Variants in RIPK1 observed in about 807,000 individuals in gnomAD.
RIPK1 encodes the protein receptor interacting serine/threonine kinase 1, also known as receptor-interacting serine/threonine-protein kinase 1.
Under a neutral mutation model 62.4 loss-of-function variants are expected in RIPK1, and 27 were observed. The ratio of observed to expected loss-of-function variants is 0.43; its 90% confidence interval spans 0.32 to 0.60. RIPK1 has a LOEUF of 0.60. RIPK1 is among the 20% of genes least tolerant of loss of function. RIPK1 has a pLI of 0.07. For missense variants in RIPK1, 735 were observed against 831.0 expected (o/e 0.88, Z 1.42); for synonymous variants, 287 against 303.2 (o/e 0.95, Z 0.55).
chr6:3,089,586 GA>G lies in RIPK1; in HGVS notation c.846del (p.Glu283LysfsTer8). 1 of 1,473,670 alleles carries G rather than the reference GA, an allele frequency of 6.8e-7. No homozygotes were observed. The highest frequency in any genetic ancestry group is 9.4e-7 in the Non-Finnish European group (1 of 1,059,262). The allele number at this position is 1,473,670 out of a possible 1,614,324, so 91.3% of individuals were successfully genotyped here. Reference sequence around the variant, plus strand: ...AGTACATTTTACTTTTACAGGCATTGAAGAAAAATTTAGGCCTTTTTATTTA... The same window carrying G: ...AGTACATTTTACTTTTACAGGCATTGAGAAAAATTTAGGCCTTTTTATTTA... ...PEARPTFPGI[E>X]EKFRPFYLSQ... On this transcript the variant is annotated frameshift_variant, in exon 7 of 11. Coordinates refer to ENST00000259808, the MANE Select transcript of RIPK1 (RefSeq NM_001354930.2). LOFTEE classifies it high-confidence loss of function.
At chr6:3,100,709 G>A (rs1017811838) in intron 7 of RIPK1, among the ~76,000 whole-genome samples, 24 of 151,790 alleles carry the variant, frequency 1.6e-4, no homozygotes, top group Non-Finnish European at 2.6e-4. Context: ...TCGTGCCTCA[G>A]CCTCCCGAGT....
intron 7 of RIPK1, among the ~76,000 whole-genome samples, chr6:3,100,549 G>C (rs369038390): frequency 2.0e-5 from 3 of 152,258 alleles, no homozygotes; most frequent in African/African-American, 7.2e-5. Flanking sequence ...GGAATGTTTG[G>C]ATGTTATTCT....
At chr6:3,078,231 C>T (rs148059323) in intron 3 of RIPK1, among the ~76,000 whole-genome samples, 294 of 152,202 alleles carry the variant, frequency 1.9e-3, no homozygotes, top group African/African-American at 6.9e-3. Context: ...GATTGGGCTC[C>T]GTGGGTCACT....
Position 3,113,794 on chromosome 6 carries a change from A to T in RIPK1, c.*455A>T, listed in dbSNP as rs1447710493. 2.6e-5 allele frequency: 4 copies of T among 153,080 alleles called. No homozygotes were observed. Among genetic ancestry groups the T allele is most frequent in the African/African-American group, 4.8e-5 (2 of 41,454 alleles). 9.5% of individuals were successfully genotyped at this position (153,080 alleles called of 1,614,324 possible). A position where few individuals can be genotyped will look rare whatever the true frequency, so the allele number is the denominator to read the frequency against. On this transcript the variant is annotated 3_prime_UTR_variant, in exon 11 of 11. Transcript: ENST00000259808. The surrounding 1 kb of genome is among the most constrained non-coding windows in gnomAD (Gnocchi z 5.0). ...GAGTTTTGTTGAAGCAAGAAGAAAAACTCAGAGAATATAAAATCAACTTTT... is the reference window on the plus strand; with the variant it reads ...GAGTTTTGTTGAAGCAAGAAGAAAATCTCAGAGAATATAAAATCAACTTTT...
At chr6:3,101,023 G>C (rs1022522838) in intron 7 of RIPK1, among the ~76,000 whole-genome samples, 1 of 152,006 alleles carries the variant, frequency 6.6e-6, no homozygotes, top group Non-Finnish European at 1.5e-5. Flanking sequence ...AGGGTGGCTC[G>C]TGCCTGTAAT....
At chr6:3,096,618 G>C (rs1306874332) in intron 7 of RIPK1, among the ~76,000 whole-genome samples, 1 of 136,302 alleles carries the variant, frequency 7.3e-6, no homozygotes, top group Admixed American at 8.0e-5. Context: ...GGAGTGCAGT[G>C]GCATGATCTC....
chr6:3,064,577 C>A (rs1164834364), upstream of RIPK1, among the ~76,000 whole-genome samples: 2 of 152,190 alleles, frequency 1.3e-5, no homozygotes, highest in Non-Finnish European at 2.9e-5. Context: ...CGCTCGCCTG[C>A]AGAGCCTGCG....
At chr6:3,081,261 C>G (rs78372308) in intron 4 of RIPK1, 145 bp downstream of exon 4, 2 of 889,362 alleles carry the variant, frequency 2.2e-6, no homozygotes, top group South Asian at 3.5e-5. Flanking sequence ...AAGGCTCTAC[C>G]GGTGATTGAG....
chr6:3,077,145 G>A (rs541947289), intron 2 of RIPK1, among the ~76,000 whole-genome samples, 158 bp downstream of exon 2: 10 of 152,084 alleles, frequency 6.6e-5, no homozygotes, highest in African/African-American at 1.2e-4. Context: ...TGTTATTGTC[G>A]CTGATGTGGA....
chr6:3,097,457 T>A (rs1050421441), intron 7 of RIPK1, among the ~76,000 whole-genome samples: 6 of 152,208 alleles, frequency 3.9e-5, no homozygotes, highest in African/African-American at 4.8e-5. Flanking sequence ...AGAAACTTGA[T>A]TTTCACAGAG....
chr6:3,104,157 C>T lies in RIPK1; in HGVS notation c.916-68C>T, dbSNP rs1561772211. The T allele has an allele frequency of 6.0e-6, 4 of 667,124 alleles. No individual in the cohort carries two copies. The South Asian group carries it at 7.6e-5, about 13-fold the overall frequency. The allele number at this position is 667,124 out of a possible 1,614,324, so 41.3% of individuals were successfully genotyped here. ...ACCTTCTGAAAATATGAATTCTTCTCGTTAAAATTTTCTGGGACTCTATTT... is the reference window on the plus strand; with the variant it reads ...ACCTTCTGAAAATATGAATTCTTCTTGTTAAAATTTTCTGGGACTCTATTT... On this transcript the variant is annotated intron_variant, in intron 7 of 10. Transcript: ENST00000259808.
intron 6 of RIPK1, among the ~76,000 whole-genome samples, chr6:3,088,393 C>G (rs1384323774): frequency 6.6e-6 from 1 of 152,248 alleles, no homozygotes; most frequent in Non-Finnish European, 1.5e-5. Context: ...CGATTCTCCA[C>G]TAGACCTCCT....
chr6:3,076,511 T>G (rs975365346), intron 1 of RIPK1, among the ~76,000 whole-genome samples: 1 of 151,146 alleles, frequency 6.6e-6, no homozygotes, highest in African/African-American at 2.4e-5. Flanking sequence ...CCCCCCCATC[T>G]CTACAAATAA....
chr6:3,076,652 C>A (rs1759062617), intron 1 of RIPK1, 112 bp from the exon 2 acceptor site: 3 of 197,766 alleles, frequency 1.5e-5, no homozygotes, highest in South Asian at 3.5e-4. Flanking sequence ...TGCACTCCAG[C>A]CTGACTGACA....
At position 3,080,997 on chromosome 6, in the gene RIPK1, G is replaced by A. The variant is rs763816596; in HGVS notation, c.340G>A (p.Val114Ile). ...GTTTTAGATGAGTACTCCGCTTTCT[G>A]TAAAAGGAAGGATAATTTTGGAAAT... Reference protein sequence around the residue: ...LKAEMSTPLSVKGRIILEIIE... With the variant: ...LKAEMSTPLSIKGRIILEIIE... The change falls in exon 4 of 11, where the codon GTA becomes ATA. Residue 114 changes from valine (V) to isoleucine (I), a missense_variant. Transcript: ENST00000259808. The A allele has an allele frequency of 9.3e-6, 15 of 1,613,946 alleles. No individual in the cohort carries two copies. The South Asian group carries it at 1.5e-4, about 17-fold the overall frequency.
chr6:3,087,800 A>G (rs1400069717), intron 6 of RIPK1, among the ~76,000 whole-genome samples: 2 of 40,098 alleles, frequency 5.0e-5, no homozygotes, highest in East Asian at 1.4e-3. Flanking sequence ...CGGCCTCCCA[A>G]AGTGTGGGAT....
chr6:3,102,955 T>A (rs1057423942), intron 7 of RIPK1, among the ~76,000 whole-genome samples: 3 of 152,152 alleles, frequency 2.0e-5, no homozygotes, highest in Non-Finnish European at 4.4e-5. Context: ...CATTTTATAT[T>A]CCCCACCAGC....
intron 7 of RIPK1, among the ~76,000 whole-genome samples, chr6:3,101,734 T>C (rs1760596415): frequency 6.6e-6 from 1 of 152,236 alleles, no homozygotes; most frequent in Non-Finnish European, 1.5e-5. Flanking sequence ...TTCTATGTTT[T>C]CTATAATGAG....
chr6:3,086,410 C>T (rs759322363), intron 6 of RIPK1, among the ~76,000 whole-genome samples: 4 of 152,098 alleles, frequency 2.6e-5, no homozygotes, highest in East Asian at 3.8e-4. Context: ...GTTCGGTGTC[C>T]GAGTGATGCA....
Sources: gnomAD v4.1 joint callset for allele counts (sites outside exome capture counted in the v4.1 genomes callset) on GRCh38, gnomAD v4.1.1 for gene constraint, Gnocchi (gnomAD v3.1) non-coding constraint, MANE v1.5 for transcripts, NCBI Gene and HGNC (gene_info 2026-07-23, HGNC 2026-07-21) for gene names.